The following ZNF780A variants were observed in gnomAD, a reference collection of about 807,000 sequenced individuals.
The protein encoded by ZNF780A is zinc finger protein 780A.
Under a neutral mutation model 56.7 loss-of-function variants are expected in ZNF780A, and 40 were observed. The observed-to-expected ratio is 0.71, with a 90% CI of 0.55 to 0.92. The LOEUF (loss-of-function observed/expected upper bound fraction) is 0.92, where lower values mean the gene tolerates loss of function less well. Among genes scored for constraint, ZNF780A ranks in the 40% least tolerant of loss-of-function variants. The probability of loss-of-function intolerance (pLI) is 0.00; values close to 1 mark genes in which losing one functional copy is unlikely to be tolerated. For synonymous variants in ZNF780A, 231 were observed against 248.3 expected, an observed-to-expected ratio of 0.93 and a Z score of 0.66; for missense variants, 672 against 783.3, an observed-to-expected ratio of 0.86 and a Z score of 1.70.
At chr19:40,089,383 G>T (rs1926932) in intron 2 of ZNF780A, 55,146 of 1,090,464 alleles carry the variant, frequency 0.051, 2,775 homozygotes, top group African/African-American at 0.21. Context: ...ACCAGCAGTC[G>T]CAATGAATCA....
chr19:40,087,061 T>C (rs1234364418), intron 2 of ZNF780A, among the ~76,000 whole-genome samples: 1 of 152,174 alleles, frequency 6.6e-6, no homozygotes, highest in African/African-American at 2.4e-5. Flanking sequence ...TAATGATATA[T>C]CAAATATTTT....
chr19:40,085,974 G>GTATATATATATT (rs1974773113), intron 2 of ZNF780A, among the ~76,000 whole-genome samples: 1 of 149,162 alleles, frequency 6.7e-6, no homozygotes, highest in Non-Finnish European at 1.5e-5. Flanking sequence ...ATGTGTGTGT[G>GTATATATATATT]TATATATATA....
chr19:40,083,972 T>C (rs1334376043), intron 3 of ZNF780A, among the ~76,000 whole-genome samples: 1 of 152,134 alleles, frequency 6.6e-6, no homozygotes, highest in East Asian at 1.9e-4. Context: ...CGATCGCAGC[T>C]CACTGCAACC....
chr19:40,087,246 C>T (rs1974856943), intron 2 of ZNF780A, among the ~76,000 whole-genome samples: 1 of 152,124 alleles, frequency 6.6e-6, no homozygotes, highest in Non-Finnish European at 1.5e-5. Flanking sequence ...CAGTTTTTCA[C>T]CCTAGGCACT....
At chr19:40,090,406 C>A (rs766566936) in intron 1 of ZNF780A, 171 bp from the exon 2 acceptor site, 2 of 152,246 alleles carry the variant, frequency 1.3e-5, no homozygotes, top group Non-Finnish European at 2.9e-5. Context: ...GAGCTGGTTT[C>A]TGGGGACAGA....
intron 1 of ZNF780A, 105 bp from the exon 2 acceptor site, chr19:40,090,340 G>C (rs556860370): frequency 1.3e-5 from 2 of 152,136 alleles, no homozygotes; most frequent in Non-Finnish European, 2.9e-5. Context: ...CACTTCACAC[G>C]AAATAGGAAG....
chr19:40,080,027 A>C (rs1380441867), intron 5 of ZNF780A, among the ~76,000 whole-genome samples: 1 of 152,114 alleles, frequency 6.6e-6, no homozygotes, highest in South Asian at 2.1e-4. Flanking sequence ...CTAACCAAGA[A>C]GAAAAGAGAA....
At chr19:40,072,811 G>A (rs938562364), downstream of ZNF780A, 2 of 1,487,476 alleles carry the variant, frequency 1.3e-6, no homozygotes, top group Middle Eastern at 1.8e-4. Context: ...GCTTTACTAA[G>A]TGCCACTGTT....
rs1205479896 is a variant in ZNF780A, at chr19:40,082,048, G to A, written c.137-134C>T. The A allele has an allele frequency of 1.6e-5, 9 of 550,282 alleles. No individual in the cohort carries two copies. The African/African-American group carries it at 1.8e-4, about 11-fold the overall frequency. The allele number at this position is 550,282 out of a possible 1,614,324, so 34.1% of individuals were successfully genotyped here. A position where few individuals can be genotyped will look rare whatever the true frequency, so the allele number is the denominator to read the frequency against. On this transcript the variant is annotated intron_variant, in intron 4 of 5. Coordinates refer to ENST00000683561, the MANE Select transcript of ZNF780A (RefSeq NM_001142578.2). ...GAAAAGAGACTTCAGATAAGAGTGA[G>A]AGGTTGAGTAAGAGAACTCTTTTCT... is the stretch of plus-strand genomic sequence containing the variant.
chr19:40,085,562 A>G (rs1447102931), intron 2 of ZNF780A, among the ~76,000 whole-genome samples: 1 of 152,192 alleles, frequency 6.6e-6, no homozygotes, highest in Non-Finnish European at 1.5e-5. Flanking sequence ...TGTGTATTGT[A>G]GCTCCAATTT....
Position 40,086,375 on chromosome 19 carries a change from G to A in ZNF780A, c.-45-1577C>T, listed in dbSNP as rs182544164. On this transcript the variant is annotated intron_variant, in intron 2 of 5. Transcript: ENST00000683561. Reference sequence around the variant, plus strand: ...CAGGAAAAAAACCTGAGCCTGTCACGAGATTCAACAAAAGAGGTTAAAGTG... The same window carrying A: ...CAGGAAAAAAACCTGAGCCTGTCACAAGATTCAACAAAAGAGGTTAAAGTG... Among the ~76,000 whole-genome samples, 188 of 152,228 alleles carry A rather than the reference G, an allele frequency of 1.2e-3. 1 individual carries two copies. The highest frequency in any genetic ancestry group is 2.1e-3 in the Non-Finnish European group (145 of 68,000).
chr19:40,073,708 G>C lies in ZNF780A; in HGVS notation c.*808C>G. 1 of 985,866 alleles carries C rather than the reference G, an allele frequency of 1.0e-6. No homozygotes were observed. The highest frequency in any genetic ancestry group is 4.7e-5 in the South Asian group (1 of 21,312). 61.1% of individuals were successfully genotyped at this position (985,866 alleles called of 1,614,324 possible). Reference sequence around the variant, plus strand: ...GATTTCTCAGAAGTATGAATACTCAGAAGTTGAGCAAATCCCAGGCCATGA... The same window carrying C: ...GATTTCTCAGAAGTATGAATACTCACAAGTTGAGCAAATCCCAGGCCATGA... On this transcript the variant is annotated 3_prime_UTR_variant, in exon 6 of 6. Transcript: ENST00000683561.
chr19:40,084,637 G>T, intron 3 of ZNF780A, 108 bp downstream of exon 3: 2 of 1,135,314 alleles, frequency 1.8e-6, no homozygotes, highest in Non-Finnish European at 2.5e-6. Flanking sequence ...GGGACAAACT[G>T]GGGTGTAAGA....
At chr19:40,085,018 G>A (rs1015316840) in intron 2 of ZNF780A, among the ~76,000 whole-genome samples, 3 of 152,236 alleles carry the variant, frequency 2.0e-5, no homozygotes, top group African/African-American at 7.2e-5. Context: ...GCATCCCAGG[G>A]AACCTGCGGC....
At chr19:40,085,098 G>A (rs1599851260) in intron 2 of ZNF780A, 1 of 961,812 alleles carries the variant, frequency 1.0e-6, no homozygotes, top group East Asian at 1.2e-4. Context: ...CTCCATTCTT[G>A]GGATACCTAT....
At chr19:40,081,721 A>G (rs1013926247) in intron 5 of ZNF780A, 98 bp downstream of exon 5, 77 of 1,048,650 alleles carry the variant, frequency 7.3e-5, no homozygotes, top group Non-Finnish European at 1.0e-4. Flanking sequence ...GGGTCACTGA[A>G]GAAAGCTTTT....
intron 5 of ZNF780A, among the ~76,000 whole-genome samples, chr19:40,076,640 G>A (rs1974149540): frequency 6.6e-6 from 1 of 152,094 alleles, no homozygotes; most frequent in African/African-American, 2.4e-5. Flanking sequence ...TTCTGCCAGG[G>A]GCCTGGGGAT....
rs1286168685 is a variant in ZNF780A at position 40,073,373 on chromosome 19, A to G, written c.*1143T>C. ...GATATATAACAATGAAATAGTTTGA[A>G]ATATTCTGAGAATTACCAAAATGTG... On this transcript the variant is annotated 3_prime_UTR_variant, in exon 6 of 6. Coordinates refer to ENST00000683561, the MANE Select transcript of ZNF780A (RefSeq NM_001142578.2). 7.0e-6 allele frequency: 2 copies of G among 285,666 alleles called. No individual in the cohort carries two copies. Among genetic ancestry groups the G allele is most frequent in the African/African-American group, 4.6e-5 (2 of 43,696 alleles). The allele number at this position is 285,666 out of a possible 1,614,324, so 17.7% of individuals were successfully genotyped here.
chr19:40,075,579 C>T lies in ZNF780A; in HGVS notation c.863G>A (p.Arg288His), dbSNP rs765877965. Residue 288 changes from arginine (R) to histidine (H), a missense_variant, in exon 6 of 6, where the codon CGT becomes CAT. Physicochemically the swap from Arg to His is conservative, Grantham distance 29. Coordinates refer to ENST00000683561, the MANE Select transcript of ZNF780A (RefSeq NM_001142578.2). ...ECKECGKGFN[R>H]GAHLIQHQKI... ...CTGATGCTGAATAAGGTGTGCACCA[C>T]GATTAAAGCCTTTCCCACACTCCTT... 37 of 1,613,330 alleles carry T rather than the reference C, an allele frequency of 2.3e-5. No individual in the cohort carries two copies. Among genetic ancestry groups the T allele is most frequent in the East Asian group, 1.3e-4 (6 of 44,826 alleles).
Sources: allele counts gnomAD v4.1 joint callset (sites outside exome capture counted in the v4.1 genomes callset), GRCh38; gene constraint gnomAD v4.1.1; transcripts MANE v1.5; gene names NCBI Gene and HGNC (gene_info 2026-07-23, HGNC 2026-07-21).